Variants in NAP1L4 observed in about 807,000 individuals in gnomAD.
NAP1L4 encodes nucleosome assembly protein 1-like 4.
A neutral mutation model predicts 58.2 loss-of-function variants in NAP1L4; 15 were observed. The ratio of observed to expected loss-of-function variants is 0.26; its 90% CI spans 0.17 to 0.40. The LOEUF is 0.40. NAP1L4 is among the 10% of genes least tolerant of loss of function. NAP1L4 has a pLI of 1.00. For missense variants in NAP1L4, 384 were observed against 451.1 expected, an observed-to-expected ratio of 0.85 and a Z score of 1.35; for synonymous variants, 171 against 155.6, an observed-to-expected ratio of 1.10 and a Z score of -0.74.
At chr11:2,968,230 G>T (rs550543908) in intron 7 of NAP1L4, among the ~76,000 whole-genome samples, 1 of 152,284 alleles carries the variant, frequency 6.6e-6, no homozygotes, top group South Asian at 2.1e-4. Flanking sequence ...GTGCACATTA[G>T]AGTTCCTAAA....
In NAP1L4 at chr11:2,949,224, T is replaced by C; in HGVS notation, c.*32+3A>G. 2 of 1,588,590 alleles carry C rather than the reference T, an allele frequency of 1.3e-6. No individual in the cohort carries two copies. Among genetic ancestry groups the C allele is most frequent in the Non-Finnish European group, 1.7e-6 (2 of 1,156,940 alleles). On this transcript the variant is annotated splice_donor_region_variant and intron_variant, in intron 15 of 15. Coordinates refer to ENST00000380542, the MANE Select transcript of NAP1L4 (RefSeq NM_005969.4). This position sits in a 1 kb window ranked among gnomAD's most constrained non-coding sequence, Gnocchi z 4.0. ...GTTAGGTATGAATGGAATTCCACCT[T>C]ACCTAGAAACGTATGAATGATTAAC...
Position 2,949,243 on chromosome 11 carries a change from G to A in NAP1L4, c.*16C>T. The A allele has an allele frequency of 6.2e-7, 1 of 1,600,080 alleles. No homozygotes were observed. Among genetic ancestry groups the A allele is most frequent in the Non-Finnish European group, 8.6e-7 (1 of 1,167,290 alleles). The stretch of plus-strand genomic sequence containing the variant: ...CCACCTTACCTAGAAACGTATGAAT[G>A]ATTAACAGACAAAAATTACACCTAA... On this transcript the variant is annotated 3_prime_UTR_variant, in exon 15 of 16. Coordinates refer to ENST00000380542, the MANE Select transcript of NAP1L4 (RefSeq NM_005969.4). This position sits in a 1 kb window ranked among gnomAD's most constrained non-coding sequence, Gnocchi z 4.0.
chr11:2,959,966 A>G lies in NAP1L4; in HGVS notation c.607-57T>C. 1 of 1,567,252 alleles carries G rather than the reference A, an allele frequency of 6.4e-7. No individual in the cohort carries two copies. The highest frequency in any genetic ancestry group is 1.1e-5 in the South Asian group (1 of 87,720). Reference sequence around the variant, plus strand: ...TAAAATAGAAAAATAACGAGGACAGATTGCTTGGAGTACACAACACTTACT... The same window carrying G: ...TAAAATAGAAAAATAACGAGGACAGGTTGCTTGGAGTACACAACACTTACT... On this transcript the variant is annotated intron_variant, in intron 8 of 15. Coordinates refer to ENST00000380542, the MANE Select transcript of NAP1L4 (RefSeq NM_005969.4). This position sits in a 1 kb window ranked among gnomAD's most constrained non-coding sequence, Gnocchi z 4.9.
intron 4 of NAP1L4, among the ~76,000 whole-genome samples, chr11:2,975,064 C>A (rs1847866907): frequency 6.6e-6 from 1 of 151,532 alleles, no homozygotes; most frequent in African/African-American, 2.4e-5. Flanking sequence ...GCAGTCCTGA[C>A]TGGGGAAACC....
Position 2,971,458 on chromosome 11 carries a change from T to C in NAP1L4, c.392A>G (p.Glu131Gly). Reference sequence around the variant, plus strand: ...TTTCTAAAGACTTACAGCCAATTTCTCTTCCTCTTCATTTTCACTGTGCCA... The same window carrying C: ...TTTCTAAAGACTTACAGCCAATTTCCCTTCCTCTTCATTTTCACTGTGCCA... ...SEWHSENEEEEKLAGDMKSKV... is the reference protein window; with the variant it reads ...SEWHSENEEEGKLAGDMKSKV... The change falls in exon 6 of 16, where the codon GAG becomes GGG. Residue 131 changes from glutamate to glycine, a missense_variant. Physicochemically the swap from Glu to Gly is moderately conservative, Grantham distance 98 (BLOSUM62 -2). Transcript: ENST00000380542. This position sits in a 1 kb window ranked among gnomAD's most constrained non-coding sequence, Gnocchi z 4.2. The C allele has an allele frequency of 1.2e-6, 2 of 1,613,742 alleles. No individual in the cohort carries two copies. Among genetic ancestry groups the C allele is most frequent in the Non-Finnish European group, 1.7e-6 (2 of 1,179,960 alleles).
At position 2,948,773 on chromosome 11, in the gene NAP1L4, C is replaced by A. The variant is rs1312193832; in HGVS notation, c.*32+454G>T. 6.6e-6 allele frequency among the ~76,000 whole-genome samples: 1 copy of A among 152,220 alleles called. No homozygotes were observed. Among genetic ancestry groups the A allele is most frequent in the African/African-American group, 2.4e-5 (1 of 41,450 alleles). On this transcript the variant is annotated intron_variant, in intron 15 of 15. Transcript: ENST00000380542. This position sits in a 1 kb window ranked among gnomAD's most constrained non-coding sequence, Gnocchi z 5.1. Reference sequence around the variant, plus strand: ...TATTGGTCTGCACAAAACATGAATTCAAAAAGTATAGATATTCAACAGACA... The same window carrying A: ...TATTGGTCTGCACAAAACATGAATTAAAAAAGTATAGATATTCAACAGACA...
intron 1 of NAP1L4, among the ~76,000 whole-genome samples, chr11:2,980,553 C>A (rs1848243066): frequency 6.6e-6 from 1 of 152,134 alleles, no homozygotes; most frequent in Admixed American, 6.5e-5. Context: ...TAAAAAGGTC[C>A]TTAAATGTAA....
In NAP1L4 at chr11:2,983,592, G is replaced by GAA. The variant is rs545028521; in HGVS notation, c.-17-4357_-17-4356dup. On this transcript the variant is annotated intron_variant, in intron 1 of 15. Coordinates refer to ENST00000380542, the MANE Select transcript of NAP1L4 (RefSeq NM_005969.4). ...AAGTTAAACCCAACACGGTATTCTG[G>GAA]AAAAAAAAAAAAGTGCTAAATCAAG... 8.0e-4 allele frequency among the ~76,000 whole-genome samples: 114 copies of GAA among 141,920 alleles called. No homozygotes were observed. The South Asian group carries it at 0.011, about 14-fold the overall frequency. 93.1% of individuals were successfully genotyped at this position (141,920 alleles called of 152,430 possible).
At chr11:2,966,987 A>G (rs978082821) in intron 7 of NAP1L4, among the ~76,000 whole-genome samples, 57 of 152,242 alleles carry the variant, frequency 3.7e-4, no homozygotes, top group African/African-American at 1.3e-3. Flanking sequence ...CACTGGAGGC[A>G]TCGCACTCAG....
In NAP1L4 at chr11:2,948,050, T is replaced by C. The variant is rs1846030386; in HGVS notation, c.*32+1177A>G. On this transcript the variant is annotated intron_variant, in intron 15 of 15. Coordinates refer to ENST00000380542, the MANE Select transcript of NAP1L4 (RefSeq NM_005969.4). This position sits in a 1 kb window ranked among gnomAD's most constrained non-coding sequence, Gnocchi z 5.1. Reference sequence around the variant, plus strand: ...ATTCTCTTCAAAAGAGCTGGTGGCATGGGAGGGGTGGCGTGGGAGAGTGGG... The same window carrying C: ...ATTCTCTTCAAAAGAGCTGGTGGCACGGGAGGGGTGGCGTGGGAGAGTGGG... Among the ~76,000 whole-genome samples the C allele has an allele frequency of 1.1e-4, 1 of 9,450 alleles. No homozygotes were observed. The highest frequency in any genetic ancestry group is 1.9e-4 in the Non-Finnish European group (1 of 5,392). The allele number at this position is 9,450 out of a possible 152,430, so 6.2% of individuals were successfully genotyped here. A position where few individuals can be genotyped will look rare whatever the true frequency, so the allele number is the denominator to read the frequency against.
intron 1 of NAP1L4, chr11:2,990,105 C>T (rs1259778777): frequency 1.3e-5 from 2 of 150,388 alleles, no homozygotes; most frequent in African/African-American, 2.5e-5. Context: ...TTAAAGCTTA[C>T]ACAACAAAAT....
At position 2,949,349 on chromosome 11, in the gene NAP1L4, T is replaced by C. The variant is rs1008414585; in HGVS notation, c.1123-85A>G. ...ATTATACAGGAGGAAACGGCCACAA[T>C]TTCTCATGATACAAAAGGGCTGCAA... On this transcript the variant is annotated intron_variant, in intron 14 of 15. Transcript: ENST00000380542. This position sits in a 1 kb window ranked among gnomAD's most constrained non-coding sequence, Gnocchi z 4.0. The C allele has an allele frequency of 5.5e-6, 6 of 1,096,826 alleles. No homozygotes were observed. The highest frequency in any genetic ancestry group is 8.4e-6 in the Non-Finnish European group (6 of 712,284). 67.9% of individuals were successfully genotyped at this position (1,096,826 alleles called of 1,614,324 possible).
Position 2,949,628 on chromosome 11 carries a change from A to T in NAP1L4, c.1123-364T>A, listed in dbSNP as rs1269510739. Among the ~76,000 whole-genome samples the T allele has an allele frequency of 1.3e-5, 2 of 152,198 alleles. No individual in the cohort carries two copies. Among genetic ancestry groups the T allele is most frequent in the Admixed American group, 6.5e-5 (1 of 15,278 alleles). On this transcript the variant is annotated intron_variant, in intron 14 of 15. Transcript: ENST00000380542. This position sits in a 1 kb window ranked among gnomAD's most constrained non-coding sequence, Gnocchi z 4.0. The stretch of plus-strand genomic sequence containing the variant: ...CTTCATTCACACCATTAGCCGGAAC[A>T]TGTTTTTAGTCCCTTCTCCCCCAAC...
In NAP1L4 at chr11:2,955,227, C is replaced by T. The variant is rs555007299; in HGVS notation, c.915+517G>A. Among the ~76,000 whole-genome samples the T allele has an allele frequency of 6.6e-6, 1 of 152,230 alleles. No homozygotes were observed. Among genetic ancestry groups the T allele is most frequent in the East Asian group, 1.9e-4 (1 of 5,172 alleles). ...ATTATTTTATCTTTTGAGACGGAGT[C>T]TTGCTCTGTCGCCCAATGGAATACG... is the stretch of plus-strand genomic sequence containing the variant. On this transcript the variant is annotated intron_variant, in intron 11 of 15. Coordinates refer to ENST00000380542, the MANE Select transcript of NAP1L4 (RefSeq NM_005969.4). This position sits in a 1 kb window ranked among gnomAD's most constrained non-coding sequence, Gnocchi z 4.2.
intron 1 of NAP1L4, chr11:2,988,187 T>C (rs1323992754): frequency 1.3e-5 from 2 of 152,240 alleles, no homozygotes; most frequent in African/African-American, 4.8e-5. Context: ...CACTACATTT[T>C]ACTTGGGGCG....
chr11:2,958,678 A>C, intron 9 of NAP1L4, 134 bp from the exon 10 acceptor site: 8 of 838,432 alleles, frequency 9.5e-6, no homozygotes, highest in Middle Eastern at 2.4e-4. Context: ...ACCAAATACA[A>C]TGGCCCATGA....
At chr11:2,980,141 T>C (rs1333842073) in intron 1 of NAP1L4, among the ~76,000 whole-genome samples, 2 of 152,244 alleles carry the variant, frequency 1.3e-5, no homozygotes, top group East Asian at 3.8e-4. Context: ...GGGTGTGTTC[T>C]AGGGCATTTA....
intron 7 of NAP1L4, 111 bp downstream of exon 7, chr11:2,969,692 G>A (rs1847518259): frequency 6.4e-6 from 8 of 1,247,642 alleles, no homozygotes; most frequent in South Asian, 1.8e-5. Flanking sequence ...GTGCCCTTCC[G>A]CCCACTATGA....
intron 7 of NAP1L4, among the ~76,000 whole-genome samples, chr11:2,968,275 T>C (rs1847407892): frequency 6.6e-6 from 1 of 152,240 alleles, no homozygotes. Context: ...TGGTGACAGA[T>C]GAGGCATTTA....
Sources: allele counts gnomAD v4.1 joint callset (sites outside exome capture counted in the v4.1 genomes callset), GRCh38; gene constraint gnomAD v4.1.1; non-coding constraint Gnocchi (gnomAD v3.1); transcripts MANE v1.5; gene names NCBI Gene and HGNC (gene_info 2026-07-23, HGNC 2026-07-21).